Variants in HACD1 observed in about 807,000 individuals in gnomAD.
HACD1 encodes very-long-chain (3R)-3-hydroxyacyl-CoA dehydratase 1.
In HACD1, 41 loss-of-function variants were observed where a neutral mutation model predicts 32.0. That is an observed-to-expected ratio of 1.28 (90% confidence interval 1.00 to 1.66). HACD1 has a LOEUF of 1.66. HACD1 is among the 40% of genes most tolerant of loss of function. HACD1 has a pLI of 0.00. For synonymous variants in HACD1, 142 were observed against 139.0 expected, an observed-to-expected ratio of 1.02 and a Z score of -0.15; for missense variants, 396 against 380.1, an observed-to-expected ratio of 1.04 and a Z score of -0.35.
At chr10:17,604,085 T>G (rs2131513263) in intron 1 of HACD1, 38 bp from the exon 2 acceptor site, 1 of 1,339,794 alleles carries the variant, frequency 7.5e-7, no homozygotes, top group African/African-American at 1.5e-5. Flanking sequence ...TCTTTCGAAC[T>G]TAATACCACT....
At chr10:17,602,345 A>G (rs1278295072) in intron 4 of HACD1, among the ~76,000 whole-genome samples, 1 of 152,070 alleles carries the variant, frequency 6.6e-6, no homozygotes, top group Non-Finnish European at 1.5e-5. Flanking sequence ...TGCTGGGATT[A>G]CAGGCTTGTG....
chr10:17,598,029 G>C (rs1049656793), intron 5 of HACD1, among the ~76,000 whole-genome samples: 1 of 151,818 alleles, frequency 6.6e-6, no homozygotes, highest in Non-Finnish European at 1.5e-5. Flanking sequence ...GGAGGCCGAG[G>C]TGGGTGGATC....
At chr10:17,611,115 C>T (rs1834229215) in intron 1 of HACD1, among the ~76,000 whole-genome samples, 1 of 151,534 alleles carries the variant, frequency 6.6e-6, no homozygotes, top group African/African-American at 2.4e-5. Flanking sequence ...ATTCTCCTGC[C>T]TCAGTCTCCC....
chr10:17,611,687 C>T (rs1832981009), intron 1 of HACD1, among the ~76,000 whole-genome samples: 1 of 152,122 alleles, frequency 6.6e-6, no homozygotes, highest in Admixed American at 6.6e-5. Flanking sequence ...TTACATCTGG[C>T]CAGGTGTGGT....
rs1564502920 is a variant in HACD1 at position 17,590,258 on chromosome 10, C to A, written c.*106G>T. 4 of 754,244 alleles carry A rather than the reference C, an allele frequency of 5.3e-6. No homozygotes were observed. The highest frequency in any genetic ancestry group is 2.2e-5 in the South Asian group (1 of 46,236). The allele number at this position is 754,244 out of a possible 1,614,324, so 46.7% of individuals were successfully genotyped here. On this transcript the variant is annotated 3_prime_UTR_variant, in exon 7 of 7. Coordinates refer to ENST00000361271, the MANE Select transcript of HACD1 (RefSeq NM_014241.4). ...GTGTCTCAAGTTATATTTTAAGAAA[C>A]CATACAATCCATGATATTTCACAAA...
At chr10:17,615,472 C>T (rs1833062470) in intron 1 of HACD1, 1 of 154,530 alleles carries the variant, frequency 6.5e-6, no homozygotes, top group Non-Finnish European at 1.4e-5. Flanking sequence ...ATAATAGAAA[C>T]TCAATCACCA....
intron 1 of HACD1, among the ~76,000 whole-genome samples, chr10:17,613,236 T>C (rs1588995727): frequency 6.6e-6 from 1 of 151,770 alleles, no homozygotes; most frequent in East Asian, 1.9e-4. Context: ...GTCTCCTGAG[T>C]AGCTGGGATT....
At chr10:17,609,054 A>G (rs1394679093) in intron 1 of HACD1, among the ~76,000 whole-genome samples, 10 of 152,086 alleles carry the variant, frequency 6.6e-5, no homozygotes, top group African/African-American at 2.4e-4. Context: ...TTTGCAAATC[A>G]CATATCTGGT....
intron 5 of HACD1, among the ~76,000 whole-genome samples, chr10:17,597,357 G>A (rs1359997008): frequency 3.9e-5 from 6 of 152,086 alleles, no homozygotes; most frequent in African/African-American, 1.4e-4. Context: ...AGGCTGATCT[G>A]GAACTCCTGA....
In HACD1 at chr10:17,604,012, T is replaced by C. The variant is rs1224143882; in HGVS notation, c.293A>G (p.Tyr98Cys). The C allele has an allele frequency of 6.3e-7, 1 of 1,598,834 alleles. No individual in the cohort carries two copies. Among genetic ancestry groups the C allele is most frequent in the Non-Finnish European group, 8.5e-7 (1 of 1,176,098 alleles). The change falls in exon 2 of 7, where the codon TAT becomes TGT. Residue 98 changes from tyrosine (Y) to cysteine (C), a missense_variant. By Grantham distance (194) the Tyr-to-Cys change is radical. Transcript: ENST00000361271. The stretch of plus-strand genomic sequence containing the variant: ...ACCTCTGTGTGTTCCTTTTTCCATA[T>C]AAAAACGTACCATGGCAATAGCTAG... ...LVLAIAMVRF[Y>C]MEKGTHRGLY... is the part of the protein sequence containing the mutation.
chr10:17,603,765 A>G (rs550314414), intron 2 of HACD1, 21 bp from the exon 3 acceptor site: 25 of 1,588,904 alleles, frequency 1.6e-5, no homozygotes, highest in Non-Finnish European at 2.1e-5. Context: ...ATAGAAAAAA[A>G]TCATTACGTC....
intron 1 of HACD1, among the ~76,000 whole-genome samples, chr10:17,609,569 T>G (rs1325323651): frequency 6.6e-6 from 1 of 152,098 alleles, no homozygotes; most frequent in Non-Finnish European, 1.5e-5. Flanking sequence ...AAAATCCCAA[T>G]GAGATAACAG....
chr10:17,603,264 T>C lies in HACD1; in HGVS notation c.483+296A>G, dbSNP rs570645879. The C allele has an allele frequency of 5.7e-5, 14 of 246,782 alleles. No homozygotes were observed. In the South Asian group the frequency reaches 9.3e-4, roughly 16 times the overall value. The allele number at this position is 246,782 out of a possible 1,614,324, so 15.3% of individuals were successfully genotyped here. ...AACTTGGATTGAAAAGAAACTTCTA[T>C]AGAAAAGAACATTTTCTGCAGGTTA... On this transcript the variant is annotated intron_variant, in intron 4 of 6. Transcript: ENST00000361271.
intron 4 of HACD1, among the ~76,000 whole-genome samples, chr10:17,602,033 A>G (rs1271119296): frequency 6.6e-6 from 1 of 151,940 alleles, no homozygotes; most frequent in Non-Finnish European, 1.5e-5. Context: ...CAAGAAGGTC[A>G]GAAGGGTTGA....
At chr10:17,597,227 A>C (rs1457215478) in intron 5 of HACD1, among the ~76,000 whole-genome samples, 1 of 152,306 alleles carries the variant, frequency 6.6e-6, no homozygotes, top group East Asian at 1.9e-4. Flanking sequence ...AGATCACTGC[A>C]ACCTCCACCT....
At chr10:17,610,548 C>T in intron 1 of HACD1, among the ~76,000 whole-genome samples, 1 of 151,498 alleles carries the variant, frequency 6.6e-6, no homozygotes. Flanking sequence ...ACTCGGGAGG[C>T]TGAGGTGGGA....
intron 1 of HACD1, among the ~76,000 whole-genome samples, chr10:17,607,506 T>C (rs1834164795): frequency 6.6e-6 from 1 of 152,240 alleles, no homozygotes; most frequent in Admixed American, 6.5e-5. Flanking sequence ...ACATTTTCCA[T>C]ACACTTGTCT....
At chr10:17,601,926 T>C (rs948208754) in intron 4 of HACD1, among the ~76,000 whole-genome samples, 1 of 151,502 alleles carries the variant, frequency 6.6e-6, no homozygotes, top group African/African-American at 2.4e-5. Context: ...AGAGAAGAGG[T>C]CAGGTGTCAG....
At chr10:17,604,811 T>C (rs1224983372) in intron 1 of HACD1, among the ~76,000 whole-genome samples, 2 of 152,150 alleles carry the variant, frequency 1.3e-5, no homozygotes, top group African/African-American at 2.4e-5. Context: ...GCTCAAGCGA[T>C]CCTCCCATCT....
Sources: allele counts gnomAD v4.1 joint callset (sites outside exome capture counted in the v4.1 genomes callset), GRCh38; gene constraint gnomAD v4.1.1; transcripts MANE v1.5; gene names NCBI Gene and HGNC (gene_info 2026-07-23, HGNC 2026-07-21).